ZFPM2: variants seen among roughly 807,000 people sequenced by gnomAD.
ZFPM2 encodes the protein zinc finger protein ZFPM2.
Under a neutral mutation model 98.6 loss-of-function variants are expected in ZFPM2, and 20 were observed. That is an observed-to-expected ratio of 0.20 (90% confidence interval 0.14 to 0.29). The LOEUF (loss-of-function observed/expected upper bound fraction) is 0.29, where lower values mean the gene tolerates loss of function less well. Among genes scored for constraint, ZFPM2 ranks in the 10% least tolerant of loss-of-function variants. ZFPM2 has a pLI of 1.00. For synonymous variants in ZFPM2, 518 were observed against 502.7 expected, an observed-to-expected ratio of 1.03 and a Z score of -0.41; for missense variants, 1,310 against 1,388.6, an observed-to-expected ratio of 0.94 and a Z score of 0.90.
In ZFPM2 at chr8:105,677,162, A is replaced by G. The variant is rs185543993; in HGVS notation, c.532+42805A>G. Among the ~76,000 whole-genome samples, 625 of 152,156 alleles carry G rather than the reference A, an allele frequency of 4.1e-3. 5 individuals are homozygous for G. The highest frequency in any genetic ancestry group is 0.013 in the African/African-American group (554 of 41,548). On this transcript the variant is annotated intron_variant, in intron 5 of 7. Coordinates refer to ENST00000407775, the MANE Select transcript of ZFPM2 (RefSeq NM_012082.4). Reference sequence around the variant, plus strand: ...AAGTTCAATTCTTTCCTGACATAATATGTTAGAATATTTCTCTTTGAAATA... The same window carrying G: ...AAGTTCAATTCTTTCCTGACATAATGTGTTAGAATATTTCTCTTTGAAATA...
chr8:105,536,018 C>T (rs1814443625), intron 3 of ZFPM2, among the ~76,000 whole-genome samples: 1 of 152,044 alleles, frequency 6.6e-6, no homozygotes, highest in African/African-American at 2.4e-5. Flanking sequence ...TCTTTGAGTT[C>T]CAGAGGGTTA....
chr8:105,671,936 CT>C (rs1257055456), intron 5 of ZFPM2, among the ~76,000 whole-genome samples: 4 of 152,112 alleles, frequency 2.6e-5, no homozygotes, highest in Non-Finnish European at 4.4e-5. Context: ...TATGATGCCC[CT>C]CTAACTGATT....
chr8:105,768,791 G>A (rs1812915417), intron 5 of ZFPM2, among the ~76,000 whole-genome samples: 1 of 151,564 alleles, frequency 6.6e-6, no homozygotes, highest in African/African-American at 2.4e-5. Flanking sequence ...ACAAAGCAAT[G>A]AAAAGTTACT....
chr8:105,540,671 C>T (rs1226063335), intron 3 of ZFPM2, among the ~76,000 whole-genome samples: 3 of 152,026 alleles, frequency 2.0e-5, no homozygotes, highest in South Asian at 2.1e-4. Context: ...CTATGTTGCA[C>T]GTATTTTCGT....
At chr8:105,727,010 A>T (rs1811825121) in intron 5 of ZFPM2, among the ~76,000 whole-genome samples, 1 of 151,712 alleles carries the variant, frequency 6.6e-6, no homozygotes, top group Non-Finnish European at 1.5e-5. Context: ...ATTGAACCAG[A>T]TTATAGGGCT....
chr8:105,393,233 A>C (rs1439287759), intron 1 of ZFPM2, among the ~76,000 whole-genome samples: 1 of 152,150 alleles, frequency 6.6e-6, no homozygotes, highest in Non-Finnish European at 1.5e-5. Context: ...CTGGTGTAGA[A>C]GACAGCCTAA....
chr8:105,380,851 AT>A (rs1246262583), intron 1 of ZFPM2, among the ~76,000 whole-genome samples: 59 of 66,536 alleles, frequency 8.9e-4, no homozygotes, highest in South Asian at 2.0e-3. Context: ...ATATATTATA[AT>A]ATATATAATA....
intron 4 of ZFPM2, among the ~76,000 whole-genome samples, chr8:105,624,330 A>C (rs1349482405): frequency 6.6e-6 from 1 of 152,198 alleles, no homozygotes; most frequent in East Asian, 1.9e-4. Context: ...AACACTCCTT[A>C]AACACCCTGT....
intron 3 of ZFPM2, among the ~76,000 whole-genome samples, chr8:105,537,408 G>A (rs1197142386): frequency 6.6e-6 from 1 of 152,160 alleles, no homozygotes; most frequent in Non-Finnish European, 1.5e-5. Context: ...AGGCATGGTG[G>A]CTTATGTCTG....
At chr8:105,739,291 C>T (rs1243928748) in intron 5 of ZFPM2, among the ~76,000 whole-genome samples, 2 of 152,102 alleles carry the variant, frequency 1.3e-5, no homozygotes, top group East Asian at 3.9e-4. Context: ...AGCATGGTAA[C>T]GGATACAGAT....
intron 1 of ZFPM2, among the ~76,000 whole-genome samples, chr8:105,335,560 A>G (rs555565557): frequency 6.6e-6 from 1 of 151,890 alleles, no homozygotes; most frequent in South Asian, 2.1e-4. Context: ...CAAAGAAGTA[A>G]AGGAAAGAAT....
intron 4 of ZFPM2, among the ~76,000 whole-genome samples, chr8:105,619,133 G>A (rs1321739872): frequency 6.6e-6 from 1 of 151,966 alleles, no homozygotes; most frequent in Non-Finnish European, 1.5e-5. Context: ...AATTGGAGAC[G>A]GCCTCAGTGT....
At chr8:105,439,712 A>C (rs1812197740) in intron 2 of ZFPM2, among the ~76,000 whole-genome samples, 1 of 152,182 alleles carries the variant, frequency 6.6e-6, no homozygotes, top group Non-Finnish European at 1.5e-5. Flanking sequence ...CTGGTGCTCA[A>C]ATCCCTGTGT....
chr8:105,567,182 A>C (rs1240277179), intron 4 of ZFPM2, among the ~76,000 whole-genome samples: 1 of 152,120 alleles, frequency 6.6e-6, no homozygotes, highest in Admixed American at 6.6e-5. Flanking sequence ...CATATTGTAC[A>C]TATCCTGTAG....
At chr8:105,396,606 A>T (rs1811223005) in intron 1 of ZFPM2, among the ~76,000 whole-genome samples, 1 of 152,184 alleles carries the variant, frequency 6.6e-6, no homozygotes, top group African/African-American at 2.4e-5. Context: ...GACATCAGGA[A>T]AAGAGGTTCT....
intron 5 of ZFPM2, among the ~76,000 whole-genome samples, chr8:105,659,161 G>C (rs558916378): frequency 2.3e-4 from 35 of 152,050 alleles, no homozygotes; most frequent in African/African-American, 8.4e-4. Context: ...AACAGTCTTA[G>C]AATATGTTTT....
chr8:105,345,941 G>A (rs576589383), intron 1 of ZFPM2, among the ~76,000 whole-genome samples: 1 of 151,768 alleles, frequency 6.6e-6, no homozygotes, highest in Admixed American at 6.6e-5. Context: ...ATTTTCCTCT[G>A]ATTTGAATGT....
At chr8:105,469,339 C>T (rs1812853491) in intron 3 of ZFPM2, among the ~76,000 whole-genome samples, 1 of 152,154 alleles carries the variant, frequency 6.6e-6, no homozygotes, top group Non-Finnish European at 1.5e-5. Context: ...ATGATCTCTT[C>T]TGTTTTACAT....
intron 1 of ZFPM2, among the ~76,000 whole-genome samples, chr8:105,400,163 T>G (rs1050652188): frequency 6.6e-6 from 1 of 152,188 alleles, no homozygotes; most frequent in African/African-American, 2.4e-5. Context: ...TATCACTCCC[T>G]GCTCAAAAGT....
Sources: allele counts gnomAD v4.1 joint callset (sites outside exome capture counted in the v4.1 genomes callset), GRCh38; gene constraint gnomAD v4.1.1; transcripts MANE v1.5; gene names NCBI Gene and HGNC (gene_info 2026-07-23, HGNC 2026-07-21).